Variants in HIVEP3 observed in about 807,000 individuals in gnomAD.
HIVEP3 encodes HIVEP zinc finger 3.
A neutral mutation model predicts 152.8 loss-of-function variants in HIVEP3; 49 were observed. The ratio of observed to expected loss-of-function variants is 0.32; its 90% CI spans 0.26 to 0.41. The LOEUF is 0.41. Among genes scored for constraint, HIVEP3 ranks in the 10% least tolerant of loss-of-function variants. HIVEP3 has a pLI of 1.00. For missense variants in HIVEP3, 2,790 were observed against 3,103.3 expected (o/e 0.90, Z 2.40); for synonymous variants, 1,269 against 1,289.0 (o/e 0.98, Z 0.33).
At chr1:41,831,348 C>T (rs548238206) in intron 1 of HIVEP3, among the ~76,000 whole-genome samples, 12 of 152,236 alleles carry the variant, frequency 7.9e-5, no homozygotes, top group East Asian at 7.7e-4. Context: ...TTCTCATCTG[C>T]GGAATGAGAT....
intron 1 of HIVEP3, among the ~76,000 whole-genome samples, chr1:41,807,451 G>T (rs1650701071): frequency 6.6e-6 from 1 of 152,212 alleles, no homozygotes; most frequent in Non-Finnish European, 1.5e-5. Context: ...GAGACAGAGG[G>T]AGTGAGGGAA....
At chr1:41,744,902 G>T (rs1647049790) in intron 1 of HIVEP3, among the ~76,000 whole-genome samples, 1 of 152,196 alleles carries the variant, frequency 6.6e-6, no homozygotes, top group South Asian at 2.1e-4. Flanking sequence ...GGGGGCAGGG[G>T]GAAGGGTGGG....
intron 1 of HIVEP3, among the ~76,000 whole-genome samples, chr1:41,731,883 G>C (rs1356671578): frequency 6.6e-6 from 1 of 152,192 alleles, no homozygotes; most frequent in Non-Finnish European, 1.5e-5. Flanking sequence ...GCAAAGTATG[G>C]GGTAATTTAC....
intron 1 of HIVEP3, among the ~76,000 whole-genome samples, chr1:41,912,584 G>A (rs183539361): frequency 6.6e-6 from 1 of 152,278 alleles, no homozygotes; most frequent in Non-Finnish European, 1.5e-5. Context: ...CCAACCTCCA[G>A]GGCACATTAT....
chr1:41,629,226 T>G (rs911364310), intron 2 of HIVEP3, among the ~76,000 whole-genome samples: 1 of 152,168 alleles, frequency 6.6e-6, no homozygotes, highest in African/African-American at 2.4e-5. Flanking sequence ...CCCCCAGGAC[T>G]GTGAATAGGA....
intron 1 of HIVEP3, among the ~76,000 whole-genome samples, chr1:41,896,166 G>A (rs1030271562): frequency 5.9e-5 from 9 of 152,100 alleles, no homozygotes; most frequent in African/African-American, 1.9e-4. Context: ...CGAATCCCTG[G>A]ACCTTTCTAT....
At chr1:41,665,906 A>G (rs1645789153) in intron 2 of HIVEP3, among the ~76,000 whole-genome samples, 1 of 152,044 alleles carries the variant, frequency 6.6e-6, no homozygotes, top group Non-Finnish European at 1.5e-5. Flanking sequence ...TTTGGAACCC[A>G]CTGTTGCTCC....
chr1:41,999,461 A>G (rs1645414653), intron 1 of HIVEP3, among the ~76,000 whole-genome samples: 1 of 152,136 alleles, frequency 6.6e-6, no homozygotes, highest in South Asian at 2.1e-4. Flanking sequence ...CCTAATTAGG[A>G]GAAGACCAAG....
chr1:41,574,543 C>A (rs551942626), intron 5 of HIVEP3, among the ~76,000 whole-genome samples: 2 of 152,228 alleles, frequency 1.3e-5, no homozygotes, highest in Admixed American at 1.3e-4. Context: ...GGGAGGGTGG[C>A]AGTCTCTGTT....
Position 41,519,950 on chromosome 1 carries a change from G to A in HIVEP3, c.5384-1462C>T, listed in dbSNP as rs549661944. On this transcript the variant is annotated intron_variant, in intron 6 of 8. Coordinates refer to ENST00000372583, the MANE Select transcript of HIVEP3 (RefSeq NM_024503.5). ...TGGAAGAATGGAAGAATGGCTGGTT[G>A]GATGGATGAATGGATACATGCACTA... Among the ~76,000 whole-genome samples, 237 of 152,230 alleles carry A rather than the reference G, an allele frequency of 1.6e-3. 2 individuals carry two copies. The highest frequency in any genetic ancestry group is 6.8e-3 in the Middle Eastern group (2 of 294).
At chr1:41,807,820 G>C (rs889348567) in intron 1 of HIVEP3, among the ~76,000 whole-genome samples, 1 of 152,190 alleles carries the variant, frequency 6.6e-6, no homozygotes, top group Non-Finnish European at 1.5e-5. Context: ...ACATGCATGG[G>C]AATAGGTCAG....
At chr1:41,822,234 G>A (rs534328752) in intron 1 of HIVEP3, among the ~76,000 whole-genome samples, 5 of 152,120 alleles carry the variant, frequency 3.3e-5, no homozygotes, top group Admixed American at 6.5e-5. Context: ...CTCTCCAGTA[G>A]GAAAATCTGG....
intron 1 of HIVEP3, among the ~76,000 whole-genome samples, chr1:41,912,332 G>A (rs949332649): frequency 5.9e-5 from 9 of 152,094 alleles, no homozygotes; most frequent in South Asian, 2.1e-4. Context: ...GTAAGCATTC[G>A]TTTGCATCTA....
intron 1 of HIVEP3, among the ~76,000 whole-genome samples, chr1:41,786,478 GTCT>G (rs1649354826): frequency 6.6e-6 from 1 of 152,170 alleles, no homozygotes; most frequent in South Asian, 2.1e-4. Context: ...TAGACTAAGA[GTCT>G]GCAAACTACA....
At chr1:41,723,479 T>TACAC (rs61628738) in intron 1 of HIVEP3, among the ~76,000 whole-genome samples, 1 of 118,852 alleles carries the variant, frequency 8.4e-6, no homozygotes, top group African/African-American at 5.3e-5. Context: ...CATAAAATCA[T>TACAC]ACACACACAC....
intron 1 of HIVEP3, among the ~76,000 whole-genome samples, chr1:41,964,867 C>A (rs115938813): frequency 6.6e-6 from 1 of 152,258 alleles, no homozygotes; most frequent in African/African-American, 2.4e-5. Flanking sequence ...TCTGGGCAAG[C>A]GGGATTCCCC....
rs1261190246 is a variant in HIVEP3 at position 41,750,258 on chromosome 1, T to C, written c.-800-49263A>G. Among the ~76,000 whole-genome samples, 37 of 152,244 alleles carry C rather than the reference T, an allele frequency of 2.4e-4. 1 individual carries two copies. Among genetic ancestry groups the C allele is most frequent in the Admixed American group, 2.4e-3 (37 of 15,290 alleles). ...ACCTCGCCAGATCCACAGCAAGCAC[T>C]TGTAAGTGTTAGCAGCTATCTTCTG... On this transcript the variant is annotated intron_variant, in intron 1 of 8. Transcript: ENST00000372583.
chr1:42,007,945 G>A (rs1409141397), intron 1 of HIVEP3, among the ~76,000 whole-genome samples: 1 of 151,954 alleles, frequency 6.6e-6, no homozygotes, highest in Non-Finnish European at 1.5e-5. Context: ...TTCATAACTC[G>A]AATGCACTTA....
upstream of HIVEP3, among the ~76,000 whole-genome samples, chr1:41,921,032 G>A (rs72965248): frequency 0.037 from 5,569 of 152,214 alleles, 320 homozygotes; most frequent in African/African-American, 0.13. Flanking sequence ...AGTTACATGA[G>A]TCTGGAAGGT....
Sources: allele counts gnomAD v4.1 joint callset (sites outside exome capture counted in the v4.1 genomes callset), GRCh38; gene constraint gnomAD v4.1.1; transcripts MANE v1.5; gene names NCBI Gene and HGNC (gene_info 2026-07-23, HGNC 2026-07-21).